AGAP1: variants seen among roughly 807,000 people sequenced by gnomAD.
AGAP1 encodes the protein arf-GAP with GTPase, ANK repeat and PH domain-containing protein 1.
A neutral mutation model predicts 105.3 loss-of-function variants in AGAP1; 29 were observed. The ratio of observed to expected loss-of-function variants is 0.28; its 90% CI spans 0.21 to 0.38. AGAP1 has a LOEUF of 0.38. Among genes scored for constraint, AGAP1 ranks in the 10% least tolerant of loss-of-function variants. AGAP1 has a pLI of 1.00. For missense variants in AGAP1, 998 were observed against 1,165.1 expected, an observed-to-expected ratio of 0.86 and a Z score of 2.09; for synonymous variants, 509 against 485.9, an observed-to-expected ratio of 1.05 and a Z score of -0.63.
chr2:235,550,274 C>G lies in AGAP1; in HGVS notation c.163+55425C>G. Among the ~76,000 whole-genome samples the G allele has an allele frequency of 6.6e-6, 1 of 152,152 alleles. No homozygotes were observed. The highest frequency in any genetic ancestry group is 1.5e-5 in the Non-Finnish European group (1 of 68,028). ...GCAGCCCTGACTGGCGAGGAGGGCA[C>G]GTCCCCACGTTCATGCCCTGTACTA... On this transcript the variant is annotated intron_variant, in intron 1 of 17. Transcript: ENST00000304032. This position sits in a 1 kb window ranked among gnomAD's most constrained non-coding sequence, Gnocchi z 4.6.
At chr2:235,616,019 G>T (rs1038096822) in intron 1 of AGAP1, among the ~76,000 whole-genome samples, 1 of 152,146 alleles carries the variant, frequency 6.6e-6, no homozygotes, top group Non-Finnish European at 1.5e-5. Context: ...GAGCAATTAA[G>T]ATATAAATAT....
chr2:235,670,823 A>G (rs1227470083), intron 1 of AGAP1: 4 of 1,384,658 alleles, frequency 2.9e-6, no homozygotes, highest in Non-Finnish European at 3.8e-6. Context: ...GCTGGACAAC[A>G]GCGACCTGCA....
intron 1 of AGAP1, among the ~76,000 whole-genome samples, chr2:235,531,313 C>G (rs1943037288): frequency 6.6e-6 from 1 of 152,162 alleles, no homozygotes; most frequent in Non-Finnish European, 1.5e-5. Context: ...GAGGTCTCAT[C>G]TCACTCCTTC....
intron 2 of AGAP1, among the ~76,000 whole-genome samples, chr2:235,713,992 T>C (rs1472797183): frequency 1.3e-5 from 2 of 152,130 alleles, no homozygotes; most frequent in Non-Finnish European, 2.9e-5. Context: ...ATTAGGTTTC[T>C]TTGTTTAAAA....
chr2:235,670,973 C>A, intron 1 of AGAP1: 1 of 1,318,122 alleles, frequency 7.6e-7, no homozygotes, highest in Non-Finnish European at 9.6e-7. Flanking sequence ...AGCCTCGCGG[C>A]CACGCGGCTA....
rs3030744 is a variant in AGAP1, at chr2:236,038,819, A to ATGTGTG, written c.1801-1907_1801-1902dup. On this transcript the variant is annotated intron_variant, in intron 14 of 17. Coordinates refer to ENST00000304032, the MANE Select transcript of AGAP1 (RefSeq NM_001037131.3). The surrounding 1 kb of genome is among the most constrained non-coding windows in gnomAD (Gnocchi z 4.5). ...GAGAGACAGAGGCACATCCCTTTGTATGTGTGTGTGTGTGTGTGTGTGTGT... is the reference window on the plus strand; with the variant it reads ...GAGAGACAGAGGCACATCCCTTTGTATGTGTGTGTGTGTGTGTGTGTGTGTGTGTGT... Among the ~76,000 whole-genome samples, 8 of 95,750 alleles carry ATGTGTG rather than the reference A, an allele frequency of 8.4e-5. No individual in the cohort carries two copies. Among genetic ancestry groups the ATGTGTG allele is most frequent in the South Asian group, 3.2e-4 (1 of 3,136 alleles). The allele number at this position is 95,750 out of a possible 152,430, so 62.8% of individuals were successfully genotyped here. A position where few individuals can be genotyped will look rare whatever the true frequency, so the allele number is the denominator to read the frequency against.
chr2:236,110,139 G>A (rs1020615701), intron 16 of AGAP1, among the ~76,000 whole-genome samples: 2 of 152,204 alleles, frequency 1.3e-5, no homozygotes, highest in Non-Finnish European at 2.9e-5. Flanking sequence ...CCTCTAAGAT[G>A]GGGGTAAGAA....
At position 235,938,896 on chromosome 2, in the gene AGAP1, T is replaced by C. The variant is rs532758896; in HGVS notation, c.1483+7973T>C. ...TGCCCATTATATTCTTGGGGGCGAT[T>C]TTTAAAAATACTTGTTCCTGGGGCC... On this transcript the variant is annotated intron_variant, in intron 12 of 17. Transcript: ENST00000304032. Among the ~76,000 whole-genome samples the C allele has an allele frequency of 6.6e-5, 10 of 152,124 alleles. No homozygotes were observed. The South Asian group carries it at 1.9e-3, about 28-fold the overall frequency.
At chr2:235,568,636 T>C (rs934995133) in intron 1 of AGAP1, among the ~76,000 whole-genome samples, 8 of 152,200 alleles carry the variant, frequency 5.3e-5, no homozygotes, top group African/African-American at 1.7e-4. Flanking sequence ...ATTGCAGTTA[T>C]TTCTTGCTGC....
At chr2:235,990,746 T>G (rs1285813921) in intron 13 of AGAP1, among the ~76,000 whole-genome samples, 1 of 152,194 alleles carries the variant, frequency 6.6e-6, no homozygotes, top group Non-Finnish European at 1.5e-5. Context: ...AGACTCTGCC[T>G]CTGGATAGAG....
chr2:235,694,086 G>A (rs1038003059), intron 1 of AGAP1, among the ~76,000 whole-genome samples: 1 of 152,166 alleles, frequency 6.6e-6, no homozygotes, highest in African/African-American at 2.4e-5. Context: ...GCTTACACCT[G>A]TAATCCTAGC....
At chr2:236,018,602 A>C (rs112851347) in intron 13 of AGAP1, among the ~76,000 whole-genome samples, 20 of 152,328 alleles carry the variant, frequency 1.3e-4, no homozygotes, top group African/African-American at 4.8e-4. Flanking sequence ...CCAGTACCTA[A>C]ATAGATAAAG....
intron 6 of AGAP1, among the ~76,000 whole-genome samples, chr2:235,794,222 T>G (rs1213024806): frequency 6.6e-6 from 1 of 152,186 alleles, no homozygotes; most frequent in Non-Finnish European, 1.5e-5. Flanking sequence ...GAGGTATCTT[T>G]TATCTGTTAA....
At chr2:235,743,481 G>A (rs755900102) in intron 4 of AGAP1, among the ~76,000 whole-genome samples, 4 of 152,194 alleles carry the variant, frequency 2.6e-5, no homozygotes, top group Non-Finnish European at 2.9e-5. Flanking sequence ...GATGCCTTCC[G>A]TCAGCCTTGG....
In AGAP1 at chr2:235,614,966, C is replaced by T. The variant is rs1339342337; in HGVS notation, c.164-94213C>T. Among the ~76,000 whole-genome samples, 1 of 152,208 alleles carries T rather than the reference C, an allele frequency of 6.6e-6. No homozygotes were observed. Among genetic ancestry groups the T allele is most frequent in the Non-Finnish European group, 1.5e-5 (1 of 68,038 alleles). ...TGAAAATAGTCAAAGTCCAAGTAAA[C>T]TTCTGCCTGTGTGTGGTGCGCTCAA... On this transcript the variant is annotated intron_variant, in intron 1 of 17. Transcript: ENST00000304032. The surrounding 1 kb of genome is among the most constrained non-coding windows in gnomAD (Gnocchi z 4.7).
intron 1 of AGAP1, among the ~76,000 whole-genome samples, chr2:235,683,314 A>G (rs776141373): frequency 6.6e-6 from 1 of 152,170 alleles, no homozygotes; most frequent in African/African-American, 2.4e-5. Context: ...TCAAACAACA[A>G]CAAAAAAGAC....
rs2060008963 is a variant in AGAP1, at chr2:236,126,701, C to T, written c.*2579C>T. 6.6e-6 allele frequency: 1 copy of T among 152,182 alleles called. No individual in the cohort carries two copies. The highest frequency in any genetic ancestry group is 6.5e-5 in the Admixed American group (1 of 15,282). The allele number at this position is 152,182 out of a possible 1,614,324, so 9.4% of individuals were successfully genotyped here. On this transcript the variant is annotated 3_prime_UTR_variant, in exon 18 of 18. Transcript: ENST00000304032. ...CTCAGTGATGTCCATCTGCTCCACT[C>T]CGCAGCCACTTTCTAGGGCCCAAGT...
rs1028978353 is a variant in AGAP1, at chr2:236,000,287, A to G, written c.1645+31664A>G. Among the ~76,000 whole-genome samples, 5 of 152,108 alleles carry G rather than the reference A, an allele frequency of 3.3e-5. No homozygotes were observed. Among genetic ancestry groups the G allele is most frequent in the Non-Finnish European group, 7.4e-5 (5 of 68,006 alleles). ...TATAATGAAGCCAGTTTTTTTCCTT[A>G]TCAGCATCATAATGAAACAACGTGG... On this transcript the variant is annotated intron_variant, in intron 13 of 17. Transcript: ENST00000304032. The surrounding 1 kb of genome is among the most constrained non-coding windows in gnomAD (Gnocchi z 4.3).
At chr2:235,827,142 G>T (rs1959116118) in intron 9 of AGAP1, among the ~76,000 whole-genome samples, 1 of 152,204 alleles carries the variant, frequency 6.6e-6, no homozygotes, top group South Asian at 2.1e-4. Context: ...GGACACAGCT[G>T]CAACGTCTTA....
Sources: allele counts gnomAD v4.1 joint callset (sites outside exome capture counted in the v4.1 genomes callset), GRCh38; gene constraint gnomAD v4.1.1; non-coding constraint Gnocchi (gnomAD v3.1); transcripts MANE v1.5; gene names NCBI Gene and HGNC (gene_info 2026-07-23, HGNC 2026-07-21).